Variants in CADPS observed in about 807,000 individuals in gnomAD.
The protein encoded by CADPS is calcium-dependent secretion activator 1.
Under a neutral mutation model 167.3 loss-of-function variants are expected in CADPS, and 57 were observed. The ratio of observed to expected loss-of-function variants is 0.34; its 90% CI spans 0.28 to 0.42. The LOEUF is 0.42. Ranked by LOEUF, CADPS falls within the 20% of genes least tolerant of loss-of-function variation. CADPS has a pLI of 1.00. For missense variants in CADPS, 1,414 were observed against 1,738.1 expected, an observed-to-expected ratio of 0.81 and a Z score of 3.32; for synonymous variants, 676 against 635.3, an observed-to-expected ratio of 1.06 and a Z score of -0.96.
intron 28 of CADPS, among the ~76,000 whole-genome samples, chr3:62,416,873 T>G (rs2050163521): frequency 6.6e-6 from 1 of 151,976 alleles, no homozygotes; most frequent in African/African-American, 2.4e-5. Context: ...AATATACTTT[T>G]TTTTTTTTTC....
intron 1 of CADPS, among the ~76,000 whole-genome samples, chr3:62,804,498 T>A (rs762499365): frequency 2.6e-5 from 4 of 152,188 alleles, no homozygotes; most frequent in Admixed American, 1.3e-4. Flanking sequence ...TATATTAATG[T>A]TTAATTCCAC....
At chr3:62,739,383 T>C (rs905490170) in intron 3 of CADPS, among the ~76,000 whole-genome samples, 1 of 152,218 alleles carries the variant, frequency 6.6e-6, no homozygotes, top group Non-Finnish European at 1.5e-5. Flanking sequence ...ACCCAGCTCA[T>C]GTATAGGCTT....
Position 62,601,717 on chromosome 3 carries a change from T to C in CADPS, c.1326-8969A>G, listed in dbSNP as rs181780960. On this transcript the variant is annotated intron_variant, in intron 6 of 29. Coordinates refer to ENST00000383710, the MANE Select transcript of CADPS (RefSeq NM_003716.4). This position sits in a 1 kb window ranked among gnomAD's most constrained non-coding sequence, Gnocchi z 4.3. ...CTCATTTAGTCACACTACATCATTA[T>C]TAATATCAAATAATAAACATGAGTA... 1.6e-4 allele frequency among the ~76,000 whole-genome samples: 25 copies of C among 152,308 alleles called. No homozygotes were observed. In the East Asian group the frequency reaches 4.4e-3, roughly 27 times the overall value.
chr3:62,627,129 G>A (rs1044162567), intron 6 of CADPS, among the ~76,000 whole-genome samples: 1 of 74,276 alleles, frequency 1.3e-5, no homozygotes, highest in Non-Finnish European at 2.7e-5. Context: ...TTACTTTCCA[G>A]TTGTGTGTGT....
intron 6 of CADPS, among the ~76,000 whole-genome samples, chr3:62,639,694 C>T (rs1336876166): frequency 3.3e-5 from 5 of 152,212 alleles, no homozygotes; most frequent in Non-Finnish European, 7.3e-5. Flanking sequence ...TTTTCCCTGG[C>T]TTAAACTCCG....
intron 3 of CADPS, among the ~76,000 whole-genome samples, chr3:62,668,752 G>A (rs1023578939): frequency 4.6e-5 from 7 of 152,234 alleles, no homozygotes; most frequent in East Asian, 3.9e-4. Context: ...ACCTACTTAC[G>A]TAGGTGCTAC....
intron 16 of CADPS, 104 bp from the exon 17 acceptor site, chr3:62,512,872 A>T: frequency 1.2e-6 from 1 of 864,878 alleles, no homozygotes; most frequent in Non-Finnish European, 1.7e-6. Context: ...CTTATGTGTG[A>T]TACATGATAT....
intron 6 of CADPS, among the ~76,000 whole-genome samples, chr3:62,624,518 A>G (rs2063696823): frequency 6.6e-6 from 1 of 152,088 alleles, no homozygotes; most frequent in East Asian, 1.9e-4. Context: ...ACCTATTCCA[A>G]AATGTCTCCA....
chr3:62,448,652 C>T (rs1454372097), intron 26 of CADPS, among the ~76,000 whole-genome samples: 1 of 151,762 alleles, frequency 6.6e-6, no homozygotes, highest in Non-Finnish European at 1.5e-5. Flanking sequence ...CTCACTGTGT[C>T]ACCCAGGCTG....
At chr3:62,454,955 T>C (rs889894618) in intron 26 of CADPS, among the ~76,000 whole-genome samples, 2 of 152,104 alleles carry the variant, frequency 1.3e-5, no homozygotes, top group African/African-American at 2.4e-5. Context: ...CTGGCACTGC[T>C]GGGGAGTTGG....
At chr3:62,520,529 G>A (rs1676119254) in intron 13 of CADPS, among the ~76,000 whole-genome samples, 1 of 152,152 alleles carries the variant, frequency 6.6e-6, no homozygotes, top group Non-Finnish European at 1.5e-5. Context: ...GAAAAGTAGT[G>A]TTGTCTCTTA....
rs1376774957 is a variant in CADPS at position 62,421,002 on chromosome 3, CT to C, written c.3777+17101del. Among the ~76,000 whole-genome samples the C allele has an allele frequency of 6.6e-6, 1 of 151,982 alleles. No individual in the cohort carries two copies. Among genetic ancestry groups the C allele is most frequent in the Non-Finnish European group, 1.5e-5 (1 of 67,988 alleles). On this transcript the variant is annotated intron_variant, in intron 28 of 29. Transcript: ENST00000383710. This position sits in a 1 kb window ranked among gnomAD's most constrained non-coding sequence, Gnocchi z 4.7. Reference sequence around the variant, plus strand: ...AAGGCACAAACCTCAGACCATTGTCCTTATACAAGATACACATTCAACATGC... The same window carrying C: ...AAGGCACAAACCTCAGACCATTGTCCTATACAAGATACACATTCAACATGC...
At chr3:62,437,583 T>C (rs1344862925) in intron 28 of CADPS, among the ~76,000 whole-genome samples, 1 of 152,096 alleles carries the variant, frequency 6.6e-6, no homozygotes, top group African/African-American at 2.4e-5. Flanking sequence ...GCAACTCTAA[T>C]GTAAGTGTTT....
rs140524259 is a variant in CADPS, at chr3:62,711,229, A to C, written c.888+42212T>G. ...CATTTTTAATAATAGGTATTTATTT[A>C]TTCATTAAATTACAAGATCTAGCAA... On this transcript the variant is annotated intron_variant, in intron 3 of 29. Coordinates refer to ENST00000383710, the MANE Select transcript of CADPS (RefSeq NM_003716.4). Among the ~76,000 whole-genome samples, 13 of 152,310 alleles carry C rather than the reference A, an allele frequency of 8.5e-5. No individual in the cohort carries two copies. The East Asian group carries it at 1.7e-3, about 20-fold the overall frequency.
At chr3:62,638,035 T>C (rs951076010) in intron 6 of CADPS, among the ~76,000 whole-genome samples, 1 of 150,974 alleles carries the variant, frequency 6.6e-6, no homozygotes, top group African/African-American at 2.5e-5. Context: ...ATGATTACAA[T>C]AGTCAATAGG....
At chr3:62,772,770 A>T (rs1340842637) in intron 1 of CADPS, among the ~76,000 whole-genome samples, 1 of 152,222 alleles carries the variant, frequency 6.6e-6, no homozygotes, top group Non-Finnish European at 1.5e-5. Context: ...CTATTGCAAC[A>T]GCAACTGTAT....
At chr3:62,716,754 G>A (rs2084729819) in intron 3 of CADPS, among the ~76,000 whole-genome samples, 1 of 152,134 alleles carries the variant, frequency 6.6e-6, no homozygotes, top group Non-Finnish European at 1.5e-5. Context: ...TGTGACTAAC[G>A]CCTATCATGT....
chr3:62,516,765 TTG>T (rs2069089505), intron 14 of CADPS, 122 bp from the exon 15 acceptor site: 1 of 670,302 alleles, frequency 1.5e-6, no homozygotes, highest in South Asian at 1.9e-5. Flanking sequence ...TTTTGTCACG[TTG>T]TGTTATGTTA....
chr3:62,403,735 CAATG>C (rs1707279857), intron 28 of CADPS: 1 of 152,140 alleles, frequency 6.6e-6, no homozygotes, highest in Non-Finnish European at 1.5e-5. Flanking sequence ...CTGATAAAGA[CAATG>C]AATGAAAATT....
Sources: gnomAD v4.1 joint callset for allele counts (sites outside exome capture counted in the v4.1 genomes callset) on GRCh38, gnomAD v4.1.1 for gene constraint, Gnocchi (gnomAD v3.1) non-coding constraint, MANE v1.5 for transcripts, NCBI Gene and HGNC (gene_info 2026-07-23, HGNC 2026-07-21) for gene names.